The following HHIPL2 variants were observed in gnomAD, a reference collection of about 807,000 sequenced individuals.
The protein encoded by HHIPL2 is HHIP-like protein 2.
In HHIPL2, 61 loss-of-function variants were observed where a neutral mutation model predicts 61.0. The observed-to-expected ratio is 1.00, with a 90% CI of 0.81 to 1.24. HHIPL2 has a LOEUF of 1.24. HHIPL2 is among the 50% of genes most tolerant of loss of function. The pLI is 0.00. For missense variants in HHIPL2, 885 were observed against 910.2 expected, an observed-to-expected ratio of 0.97 and a Z score of 0.36; for synonymous variants, 343 against 357.4, an observed-to-expected ratio of 0.96 and a Z score of 0.45.
chr1:222,543,679 C>G lies in HHIPL2; in HGVS notation c.832G>C (p.Ala278Pro), dbSNP rs757124037. ...TTGTGGCGGAATTTGGGGTGAAAAG[C>G]CAACCCCAAGAAGCCTCTCTCATCC... is the stretch of plus-strand genomic sequence containing the variant. ...IGDERGFLGL[A>P]FHPKFRHNRK... Residue 278 changes from alanine to proline, a missense_variant, in exon 2 of 9, where the codon GCT (alanine) becomes CCT (proline). By Grantham distance (27) the Ala-to-Pro change is conservative. Transcript: ENST00000343410. The G allele has an allele frequency of 6.2e-7, 1 of 1,614,134 alleles. No individual in the cohort carries two copies. The highest frequency in any genetic ancestry group is 8.5e-7 in the Non-Finnish European group (1 of 1,180,036).
Position 222,543,972 on chromosome 1 carries a change from C to A in HHIPL2, c.539G>T (p.Cys180Phe), listed in dbSNP as rs1450454800. Residue 180 changes from cysteine (C) to phenylalanine (F), a missense_variant, in exon 2 of 9, where the codon TGC (cysteine) becomes TTC (phenylalanine). By Grantham distance (205) the Cys-to-Phe change is radical. Transcript: ENST00000343410. ...GTCGTTCCTCAGGACATTAGGGAAG[C>A]AATAGTCCTTGTCAGGAAGGTCCAG... ...HLLDLPDKDY[C>F]FPNVLRNDYL... 9 of 1,614,136 alleles carry A rather than the reference C, an allele frequency of 5.6e-6. No homozygotes were observed. Among genetic ancestry groups the A allele is most frequent in the South Asian group, 2.2e-5 (2 of 91,086 alleles).
rs1413137020 is a variant in HHIPL2 at position 222,538,707 on chromosome 1, A to G, written c.1518T>C (p.Tyr506=). 1.9e-6 allele frequency: 3 copies of G among 1,614,052 alleles called. No homozygotes were observed. The Admixed American group carries it at 5.0e-5, about 27-fold the overall frequency. The change falls in exon 5 of 9, where the codon TAT becomes TAC. Residue 506 remains tyrosine (Y), a synonymous_variant. Transcript: ENST00000343410. Reference sequence around the variant, plus strand: ...TGAGATTTGGGGATTCACAACCACGATAGACATAACCTCCAGTGACTGACT... The same window carrying G: ...TGAGATTTGGGGATTCACAACCACGGTAGACATAACCTCCAGTGACTGACT... The part of the protein sequence containing the change: ...VGKSVTGGYV[Y]RGCESPNLNG...
chr1:222,538,948 T>C (rs879477651), intron 4 of HHIPL2, 174 bp from the exon 5 acceptor site: 2 of 581,802 alleles, frequency 3.4e-6, no homozygotes, highest in Non-Finnish European at 5.7e-6. Flanking sequence ...CAATAGGCCA[T>C]CCACAATATT....
chr1:222,545,400 T>C (rs1659533821), intron 1 of HHIPL2, among the ~76,000 whole-genome samples: 1 of 152,170 alleles, frequency 6.6e-6, no homozygotes, highest in Admixed American at 6.5e-5. Context: ...TTTCGGTCAT[T>C]GGGCAGAGTG....
At chr1:222,536,723 AAAC>A (rs1333675590) in intron 5 of HHIPL2, among the ~76,000 whole-genome samples, 2 of 152,194 alleles carry the variant, frequency 1.3e-5, no homozygotes, top group Admixed American at 6.5e-5. Flanking sequence ...TTAAAATTTC[AAAC>A]AACATGTCAG....
intron 5 of HHIPL2, among the ~76,000 whole-genome samples, chr1:222,538,423 C>CAG (rs369750527): frequency 2.5e-3 from 368 of 147,214 alleles, no homozygotes; most frequent in East Asian, 9.6e-3. Flanking sequence ...GAGAGAGAGA[C>CAG]AGAGAGAGAG....
At chr1:222,535,538 G>T (rs1659283982) in intron 5 of HHIPL2, among the ~76,000 whole-genome samples, 1 of 152,152 alleles carries the variant, frequency 6.6e-6, no homozygotes, top group African/African-American at 2.4e-5. Context: ...CAAGATCAAG[G>T]TGTTGGCAGG....
At chr1:222,529,297 G>A (rs2102611788) in intron 6 of HHIPL2, among the ~76,000 whole-genome samples, 1 of 152,200 alleles carries the variant, frequency 6.6e-6, no homozygotes, top group Non-Finnish European at 1.5e-5. Flanking sequence ...GATGAACTAG[G>A]GCACACCCTC....
At chr1:222,534,577 T>TAAAAAAAAAAAAAAAAAAAAAAAA (rs67437927) in intron 5 of HHIPL2, among the ~76,000 whole-genome samples, 1 of 72,676 alleles carries the variant, frequency 1.4e-5, no homozygotes, top group African/African-American at 5.6e-5. Context: ...ACTCCATCTC[T>TAAAAAAAAAAAAAAAAAAAAAAAA]AAAAAAAAAA....
At chr1:222,532,307 T>TC (rs1338363954) in intron 5 of HHIPL2, among the ~76,000 whole-genome samples, 196 bp from the exon 6 acceptor site, 1 of 152,064 alleles carries the variant, frequency 6.6e-6, no homozygotes, top group Non-Finnish European at 1.5e-5. Context: ...ATGTGGAAGT[T>TC]CATGTTCTAT....
At chr1:222,539,658 T>C (rs35759615) in intron 4 of HHIPL2, among the ~76,000 whole-genome samples, 70,380 of 151,746 alleles carry the variant, frequency 0.46, 17,206 homozygotes, top group East Asian at 0.66. Context: ...AAAACATACA[T>C]CAATTTTGGT....
chr1:222,534,073 G>A (rs1659247670), intron 5 of HHIPL2, among the ~76,000 whole-genome samples: 1 of 152,240 alleles, frequency 6.6e-6, no homozygotes, highest in Non-Finnish European at 1.5e-5. Context: ...GTAGAATTCA[G>A]TAGTGAGGAA....
At chr1:222,538,195 G>GGGGTGT (rs1356240657) in intron 5 of HHIPL2, among the ~76,000 whole-genome samples, 26 of 136,370 alleles carry the variant, frequency 1.9e-4, no homozygotes, top group African/African-American at 4.8e-4. Flanking sequence ...CTCTGGCTGG[G>GGGGTGT]GTGTGTGTGT....
intron 5 of HHIPL2, among the ~76,000 whole-genome samples, chr1:222,538,195 G>GGTGTGT (rs373452655): frequency 0.072 from 9,723 of 135,830 alleles, 436 homozygotes; most frequent in South Asian, 0.094. Flanking sequence ...CTCTGGCTGG[G>GGTGTGT]GTGTGTGTGT....
intron 7 of HHIPL2, among the ~76,000 whole-genome samples, chr1:222,526,673 C>T (rs1325041103): frequency 1.4e-5 from 2 of 144,964 alleles, no homozygotes; most frequent in African/African-American, 5.2e-5. Flanking sequence ...CCATTGCACT[C>T]CAGCCTGGGC....
Position 222,538,723 on chromosome 1 carries a change from G to A in HHIPL2, c.1502C>T (p.Thr501Ile). The change falls in exon 5 of 9, where the codon ACT (threonine) becomes ATT (isoleucine). Residue 501 changes from threonine to isoleucine, a missense_variant. By Grantham distance (89) the Thr-to-Ile change is moderately conservative. Coordinates refer to ENST00000343410, the MANE Select transcript of HHIPL2 (RefSeq NM_024746.4). ...AYGHAVGKSVTGGYVYRGCES... is the reference protein window; with the variant it reads ...AYGHAVGKSVIGGYVYRGCES... ...ACAACCACGATAGACATAACCTCCA[G>A]TGACTGACTTCCCCACTGCATGGCC... The A allele has an allele frequency of 6.2e-7, 1 of 1,613,984 alleles. No homozygotes were observed. Among genetic ancestry groups the A allele is most frequent in the Non-Finnish European group, 8.5e-7 (1 of 1,179,862 alleles).
intron 6 of HHIPL2, among the ~76,000 whole-genome samples, chr1:222,529,722 G>A (rs541769161): frequency 6.9e-4 from 105 of 151,682 alleles, no homozygotes; most frequent in Admixed American, 2.3e-3. Context: ...ATGCCCTTCA[G>A]TGACTAACTT....
In HHIPL2 at chr1:222,533,411, C is replaced by T. The variant is rs1441177496; in HGVS notation, c.1578-1300G>A. Among the ~76,000 whole-genome samples the T allele has an allele frequency of 3.3e-5, 5 of 151,414 alleles. No individual in the cohort carries two copies. The South Asian group carries it at 8.3e-4, about 25-fold the overall frequency. ...AAAAGAAAAGGAAAAAGAATCACTG[C>T]ATATTAACCAAATGATGTGTGTATG... On this transcript the variant is annotated intron_variant, in intron 5 of 8. Transcript: ENST00000343410.
In HHIPL2 at chr1:222,542,528, C is replaced by CTTTTTT. The variant is rs772394115; in HGVS notation, c.975-379_975-374dup. On this transcript the variant is annotated intron_variant, in intron 2 of 8. Coordinates refer to ENST00000343410, the MANE Select transcript of HHIPL2 (RefSeq NM_024746.4). ...GGGATTACCACCCCACCACATCTGGCTTTTTTTTTTTTTTTTTTTTGAGAT... is the reference window on the plus strand; with the variant it reads ...GGGATTACCACCCCACCACATCTGGCTTTTTTTTTTTTTTTTTTTTTTTTTTGAGAT... Among the ~76,000 whole-genome samples the CTTTTTT allele has an allele frequency of 8.0e-3, 774 of 97,112 alleles. 30 individuals are homozygous for CTTTTTT. Among genetic ancestry groups the CTTTTTT allele is most frequent in the African/African-American group, 0.013 (324 of 24,034 alleles). 63.7% of individuals were successfully genotyped at this position (97,112 alleles called of 152,430 possible).
Sources: allele counts gnomAD v4.1 joint callset (sites outside exome capture counted in the v4.1 genomes callset), GRCh38; gene constraint gnomAD v4.1.1; transcripts MANE v1.5; gene names NCBI Gene and HGNC (gene_info 2026-07-23, HGNC 2026-07-21).